Variants in SLC16A11 observed in about 807,000 individuals in gnomAD.
SLC16A11 encodes the protein solute carrier family 16 member 11.
In SLC16A11, 24 loss-of-function variants were observed where a neutral mutation model predicts 26.0. That is an observed-to-expected ratio of 0.92 (90% CI 0.67 to 1.30). SLC16A11 has a LOEUF of 1.30. SLC16A11 is among the 50% of genes most tolerant of loss of function. The pLI is 0.00. For synonymous variants in SLC16A11, 332 were observed against 296.0 expected (o/e 1.12, Z -1.25); for missense variants, 638 against 597.7 (o/e 1.07, Z -0.70).
intron 2 of SLC16A11, 66 bp from the exon 3 acceptor site, chr17:7,043,139 A>T (rs1350851255): frequency 1.4e-6 from 2 of 1,464,038 alleles, no homozygotes; most frequent in African/African-American, 1.4e-5. Flanking sequence ...AACACTTCTC[A>T]TTGGCTGTTT....
chr17:7,043,585 T>A, intron 1 of SLC16A11, 66 bp from the exon 2 acceptor site: 1 of 1,538,080 alleles, frequency 6.5e-7, no homozygotes, highest in South Asian at 1.2e-5. Flanking sequence ...GGAGCTGGCA[T>A]CCCTGAGATC....
In SLC16A11 at chr17:7,044,037, G is replaced by A. The variant is rs1910891845; in HGVS notation, c.-269C>T. ...GCCAGACGCCAGTCCCACGGGGATT[G>A]AATTATGTACACACACAACCCCCAG... On this transcript the variant is annotated 5_prime_UTR_variant, in exon 1 of 5. Transcript: ENST00000574600. 1.2e-5 allele frequency: 2 copies of A among 162,932 alleles called. No homozygotes were observed. The highest frequency in any genetic ancestry group is 3.7e-4 in the South Asian group (2 of 5,408). 10.1% of individuals were successfully genotyped at this position (162,932 alleles called of 1,614,324 possible).
chr17:7,042,254 G>A lies in SLC16A11; in HGVS notation c.856C>T (p.Arg286Trp), dbSNP rs748518579. 8.2e-6 allele frequency: 13 copies of A among 1,577,602 alleles called. No individual in the cohort carries two copies. The East Asian group carries it at 2.8e-4, about 35-fold the overall frequency. ...LADQGWVPLPRLLAVFGALTG... is the reference protein window; with the variant it reads ...LADQGWVPLPWLLAVFGALTG... The stretch of plus-strand genomic sequence containing the variant: ...AGAGCCCCGAATACGGCCAGCAGCC[G>A]CGGGAGGGGCACCCAGCCTTGGTCT... Residue 286 changes from arginine to tryptophan, a missense_variant, in exon 4 of 5, where the codon CGG becomes TGG. Arg to Trp is a moderately radical substitution (Grantham distance 101, BLOSUM62 -3). Transcript: ENST00000574600. This position sits in a 1 kb window ranked among gnomAD's most constrained non-coding sequence, Gnocchi z 5.9.
chr17:7,043,458 G>C lies in SLC16A11; in HGVS notation c.56C>G (p.Ala19Gly), dbSNP rs2151672105. The change falls in exon 2 of 5, where the codon GCC (alanine) becomes GGC (glycine). Residue 19 changes from alanine to glycine, a missense_variant. Coordinates refer to ENST00000574600, the MANE Select transcript of SLC16A11 (RefSeq NM_001370549.1). ...PDGGWGWVVA[A>G]AAFAINGLSY... is the part of the protein sequence containing the mutation. ...CAGCCCGTTTATCGCGAAGGCTGCGGCCGCCACCACCCAGCCCCAGCCCCC... is the reference window on the plus strand; with the variant it reads ...CAGCCCGTTTATCGCGAAGGCTGCGCCCGCCACCACCCAGCCCCAGCCCCC... 2 of 1,597,088 alleles carry C rather than the reference G, an allele frequency of 1.3e-6. No homozygotes were observed. Among genetic ancestry groups the C allele is most frequent in the African/African-American group, 2.7e-5 (2 of 74,904 alleles).
At position 7,043,399 on chromosome 17, in the gene SLC16A11, A is replaced by AG. The variant is rs551394049; in HGVS notation, c.114dup (p.Phe39LeufsTer3). ...TCAAAGTGCTCGGCAAGGTCAGGGA[A>AG]GGCAAGGCCCAGCGAGCGCAGCAGC... is the stretch of plus-strand genomic sequence containing the variant. On this transcript the variant is annotated frameshift_variant, in exon 2 of 5. Coordinates refer to ENST00000574600, the MANE Select transcript of SLC16A11 (RefSeq NM_001370549.1). LOFTEE classifies it high-confidence loss of function. 555 of 1,608,968 alleles carry AG rather than the reference A, an allele frequency of 3.4e-4. 3 individuals are homozygous for AG. In the African/African-American group the frequency reaches 6.7e-3, roughly 20 times the overall value.
chr17:7,043,962 C>A lies in SLC16A11; in HGVS notation c.-194G>T. 1 of 199,574 alleles carries A rather than the reference C, an allele frequency of 5.0e-6. No homozygotes were observed. The highest frequency in any genetic ancestry group is 1.0e-5 in the Non-Finnish European group (1 of 99,442). The allele number at this position is 199,574 out of a possible 1,614,324, so 12.4% of individuals were successfully genotyped here. On this transcript the variant is annotated 5_prime_UTR_variant, in exon 1 of 5. Coordinates refer to ENST00000574600, the MANE Select transcript of SLC16A11 (RefSeq NM_001370549.1). ...TGAGCCACCTGGGACGCGGGGTGTACGGAGGGCGGGGGCGAGCTGAAACAG... is the reference window on the plus strand; with the variant it reads ...TGAGCCACCTGGGACGCGGGGTGTAAGGAGGGCGGGGGCGAGCTGAAACAG...
rs1318042827 is a variant in SLC16A11, at chr17:7,042,205, A to G, written c.905T>C (p.Val302Ala). 1.3e-6 allele frequency: 2 copies of G among 1,571,202 alleles called. No homozygotes were observed. Among genetic ancestry groups the G allele is most frequent in the Admixed American group, 1.8e-5 (1 of 55,790 alleles). The part of the protein sequence containing the change: ...GALTGLGLWV[V>A]GLVPVVGGEE... ...GCCGCCCACCACGGGCACCAGCCCC[A>G]CCACCCACAGCCCCAGCCCAGTCAG... Residue 302 changes from valine to alanine, a missense_variant, in exon 4 of 5, where the codon GTG becomes GCG. Coordinates refer to ENST00000574600, the MANE Select transcript of SLC16A11 (RefSeq NM_001370549.1). The surrounding 1 kb of genome is among the most constrained non-coding windows in gnomAD (Gnocchi z 5.9).
rs760337883 is a variant in SLC16A11 at position 7,042,635 on chromosome 17, C to A, written c.475G>T (p.Ala159Ser). ...AAAGTATCGAGAAGAAGCTGCAAGG[C>A]GGGCGCCAGGAGCAGCGAGGAGGCC... is the stretch of plus-strand genomic sequence containing the variant. ...NGASSLLLAP[A>S]LQLLLDTFGW... Residue 159 changes from alanine (A) to serine (S), a missense_variant, in exon 4 of 5, where the codon GCC becomes TCC. Ala to Ser is a moderately conservative substitution (Grantham distance 99, BLOSUM62 1). Transcript: ENST00000574600. This position sits in a 1 kb window ranked among gnomAD's most constrained non-coding sequence, Gnocchi z 5.9. 2.5e-6 allele frequency: 4 copies of A among 1,573,780 alleles called. No homozygotes were observed. In the South Asian group the frequency reaches 4.6e-5, roughly 18 times the overall value.
chr17:7,043,446 G>A lies in SLC16A11; in HGVS notation c.68C>T (p.Ala23Val). Residue 23 changes from alanine (A) to valine (V), a missense_variant, in exon 2 of 5, where the codon GCG (alanine) becomes GTG (valine). Ala to Val is a moderately conservative substitution (Grantham distance 64). Coordinates refer to ENST00000574600, the MANE Select transcript of SLC16A11 (RefSeq NM_001370549.1). ...CAGCCCGTAGGACAGCCCGTTTATC[G>A]CGAAGGCTGCGGCCGCCACCACCCA... ...WGWVVAAAAF[A>V]INGLSYGLLR... 1.3e-6 allele frequency: 2 copies of A among 1,597,686 alleles called. No homozygotes were observed. Among genetic ancestry groups the A allele is most frequent in the Non-Finnish European group, 1.7e-6 (2 of 1,176,736 alleles).
At position 7,041,643 on chromosome 17, in the gene SLC16A11, T is replaced by A; in HGVS notation, c.*36A>T. On this transcript the variant is annotated 3_prime_UTR_variant, in exon 5 of 5. Coordinates refer to ENST00000574600, the MANE Select transcript of SLC16A11 (RefSeq NM_001370549.1). ...AGGTTTCAGGAAAACCCGATAAAAA[T>A]TCTTTATTGGGGGAGGGGCTCAAAC... 6.5e-7 allele frequency: 1 copy of A among 1,531,358 alleles called. No individual in the cohort carries two copies. The highest frequency in any genetic ancestry group is 8.8e-7 in the Non-Finnish European group (1 of 1,136,708). The allele number at this position is 1,531,358 out of a possible 1,614,324, so 94.9% of individuals were successfully genotyped here. A position where few individuals can be genotyped will look rare whatever the true frequency, so the allele number is the denominator to read the frequency against.
rs1308860332 is a variant in SLC16A11 at position 7,043,088 on chromosome 17, A to G, written c.203-15T>C. ...GCCCACGGGGCCTGAAAGGGGGCGGAGTCAACGGAAGACACGCCCCCGGGC... is the reference window on the plus strand; with the variant it reads ...GCCCACGGGGCCTGAAAGGGGGCGGGGTCAACGGAAGACACGCCCCCGGGC... On this transcript the variant is annotated splice_polypyrimidine_tract_variant and intron_variant, in intron 2 of 4. Coordinates refer to ENST00000574600, the MANE Select transcript of SLC16A11 (RefSeq NM_001370549.1). 6.6e-7 allele frequency: 1 copy of G among 1,514,518 alleles called. No individual in the cohort carries two copies. Among genetic ancestry groups the G allele is most frequent in the Non-Finnish European group, 8.8e-7 (1 of 1,132,778 alleles). 93.8% of individuals were successfully genotyped at this position (1,514,518 alleles called of 1,614,324 possible). A position where few individuals can be genotyped will look rare whatever the true frequency, so the allele number is the denominator to read the frequency against.
At chr17:7,043,582 G>C (rs968219976) in intron 1 of SLC16A11, 63 bp from the exon 2 acceptor site, 3 of 1,541,528 alleles carry the variant, frequency 1.9e-6, no homozygotes, top group African/African-American at 2.7e-5. Flanking sequence ...TGGGGAGCTG[G>C]CATCCCTGAG....
In SLC16A11 at chr17:7,043,883, A is replaced by G; in HGVS notation, c.-115T>C. The stretch of plus-strand genomic sequence containing the variant: ...GCCCCGAAGGGGAGCGAGGGCAGCG[A>G]TGGAGCCCAACTTGGACGGGCTCTC... On this transcript the variant is annotated 5_prime_UTR_variant, in exon 1 of 5. Coordinates refer to ENST00000574600, the MANE Select transcript of SLC16A11 (RefSeq NM_001370549.1). 2.7e-6 allele frequency: 1 copy of G among 368,050 alleles called. No individual in the cohort carries two copies. The highest frequency in any genetic ancestry group is 4.9e-6 in the Non-Finnish European group (1 of 204,488). 22.8% of individuals were successfully genotyped at this position (368,050 alleles called of 1,614,324 possible).
At position 7,043,468 on chromosome 17, in the gene SLC16A11, C is replaced by T. The variant is rs774248613; in HGVS notation, c.46G>A (p.Val16Met). 1 of 1,597,142 alleles carries T rather than the reference C, an allele frequency of 6.3e-7. No individual in the cohort carries two copies. Among genetic ancestry groups the T allele is most frequent in the South Asian group, 1.1e-5 (1 of 90,592 alleles). Residue 16 changes from valine to methionine, a missense_variant, in exon 2 of 5, where the codon GTG becomes ATG. Val to Met is a conservative substitution (Grantham distance 21). Transcript: ENST00000574600. ...ATCGCGAAGGCTGCGGCCGCCACCACCCAGCCCCAGCCCCCATCCGGGGGT... is the reference window on the plus strand; with the variant it reads ...ATCGCGAAGGCTGCGGCCGCCACCATCCAGCCCCAGCCCCCATCCGGGGGT... ...AGPPDGGWGW[V>M]VAAAAFAING...
In SLC16A11 at chr17:7,042,735, G is replaced by T; in HGVS notation, c.375C>A (p.Pro125=). 6.5e-7 allele frequency: 1 copy of T among 1,541,518 alleles called. No homozygotes were observed. The highest frequency in any genetic ancestry group is 8.7e-7 in the Non-Finnish European group (1 of 1,147,288). ...AGTAACGCGAGAGGGTGCCTAGGGC[G>T]GGGGCGAACACCAGGGCCCAACCAA... ...AGFGWALVFA[P]ALGTLSRYFS... The change falls in exon 4 of 5, where the codon CCC becomes CCA. Residue 125 remains proline (P), a synonymous_variant. Transcript: ENST00000574600. The surrounding 1 kb of genome is among the most constrained non-coding windows in gnomAD (Gnocchi z 5.9).
At chr17:7,043,725 G>C in intron 1 of SLC16A11, 50 bp downstream of exon 1, 2 of 1,034,768 alleles carry the variant, frequency 1.9e-6, no homozygotes, top group Non-Finnish European at 2.7e-6. Context: ...GGGACAGCCA[G>C]ATCCCCAGGC....
Position 7,043,856 on chromosome 17 carries a change from G to A in SLC16A11, c.-88C>T, listed in dbSNP as rs77151854. 5,062 of 409,924 alleles carry A rather than the reference G, an allele frequency of 0.012. 139 individuals are homozygous for A. The highest frequency in any genetic ancestry group is 0.068 in the African/African-American group (3,278 of 48,450). 25.4% of individuals were successfully genotyped at this position (409,924 alleles called of 1,614,324 possible). On this transcript the variant is annotated 5_prime_UTR_variant, in exon 1 of 5. Transcript: ENST00000574600. The stretch of plus-strand genomic sequence containing the variant: ...TTCTCTCTGCTTCCCAGGCGGGCGG[G>A]GGCCCCGAAGGGGAGCGAGGGCAGC...
chr17:7,043,166 TG>T, intron 2 of SLC16A11, 93 bp from the exon 3 acceptor site: 1 of 1,459,150 alleles, frequency 6.9e-7, no homozygotes, highest in Non-Finnish European at 9.0e-7. Flanking sequence ...CTCGAACTAA[TG>T]GTTCTTCTCC....
intron 1 of SLC16A11, 90 bp downstream of exon 1, chr17:7,043,685 A>T: frequency 7.2e-7 from 1 of 1,394,210 alleles, no homozygotes; most frequent in Non-Finnish European, 9.4e-7. Flanking sequence ...TAGGGCTGGA[A>T]CTCCCGGGTC....
Sources: allele counts gnomAD v4.1 joint callset, GRCh38; gene constraint gnomAD v4.1.1; non-coding constraint Gnocchi (gnomAD v3.1); transcripts MANE v1.5; gene names NCBI Gene and HGNC (gene_info 2026-07-23, HGNC 2026-07-21).